Variants in BATF observed in about 807,000 individuals in gnomAD.
The protein encoded by BATF is basic leucine zipper ATF-like transcription factor, also known as basic leucine zipper transcriptional factor ATF-like.
Under a neutral mutation model 13.7 loss-of-function variants are expected in BATF, and 5 were observed. The observed-to-expected ratio is 0.36, with a 90% CI of 0.19 to 0.77. The LOEUF (loss-of-function observed/expected upper bound fraction) is 0.77. BATF is among the 30% of genes least tolerant of loss of function. The pLI is 0.51. For synonymous variants in BATF, 72 were observed against 67.5 expected, an observed-to-expected ratio of 1.07 and a Z score of -0.33; for missense variants, 124 against 163.0, an observed-to-expected ratio of 0.76 and a Z score of 1.30.
intron 2 of BATF, among the ~76,000 whole-genome samples, chr14:75,538,849 C>G (rs1439440517): frequency 6.6e-6 from 1 of 152,164 alleles, no homozygotes; most frequent in Non-Finnish European, 1.5e-5. Flanking sequence ...TGCAATGAGC[C>G]GAGATCGTGC....
At chr14:75,538,705 T>C (rs1198826288) in intron 2 of BATF, among the ~76,000 whole-genome samples, 2 of 152,072 alleles carry the variant, frequency 1.3e-5, no homozygotes, top group African/African-American at 2.4e-5. Flanking sequence ...ATCGAGACCA[T>C]CCTGGCTAAC....
intron 2 of BATF, among the ~76,000 whole-genome samples, chr14:75,545,737 G>A (rs1887973826): frequency 6.6e-6 from 1 of 152,048 alleles, no homozygotes; most frequent in Non-Finnish European, 1.5e-5. Flanking sequence ...CCTGCCAGCT[G>A]CTTTCCCTTG....
intron 2 of BATF, among the ~76,000 whole-genome samples, chr14:75,526,096 G>A (rs138454736): frequency 2.0e-5 from 3 of 152,322 alleles, no homozygotes; most frequent in Non-Finnish European, 4.4e-5. Flanking sequence ...CCTCTGTCTT[G>A]AGTGGTCCAG....
chr14:75,544,164 C>T (rs1176909176), intron 2 of BATF, among the ~76,000 whole-genome samples: 1 of 152,166 alleles, frequency 6.6e-6, no homozygotes, highest in African/African-American at 2.4e-5. Context: ...TGCTTTCCAA[C>T]TTGCCTGATC....
At chr14:75,525,060 ATCC>A (rs1887630593) in intron 1 of BATF, 21 bp from the exon 2 acceptor site, 6 of 1,586,914 alleles carry the variant, frequency 3.8e-6, no homozygotes, top group Non-Finnish European at 5.2e-6. Flanking sequence ...GACCCATGTA[ATCC>A]TCCCCGTCTC....
chr14:75,542,387 A>C (rs939479832), intron 2 of BATF, among the ~76,000 whole-genome samples: 1 of 152,196 alleles, frequency 6.6e-6, no homozygotes, highest in South Asian at 2.1e-4. Context: ...CCCTCTCAGT[A>C]GCAGAAGACA....
At chr14:75,524,486 T>C (rs912997047) in intron 1 of BATF, among the ~76,000 whole-genome samples, 8 of 152,212 alleles carry the variant, frequency 5.3e-5, no homozygotes, top group South Asian at 2.1e-4. Flanking sequence ...TGGAAAGCCA[T>C]TGGGCTCAGC....
intron 2 of BATF, among the ~76,000 whole-genome samples, chr14:75,543,251 G>A (rs1241416900): frequency 4.6e-5 from 7 of 152,252 alleles, no homozygotes; most frequent in Admixed American, 4.6e-4. Context: ...AGGCAGGGCT[G>A]TGACTCCATC....
intron 2 of BATF, among the ~76,000 whole-genome samples, chr14:75,529,118 C>T (rs1211725443): frequency 6.6e-6 from 1 of 151,604 alleles, no homozygotes. Flanking sequence ...TCTAAGTTTC[C>T]AGTGAAAAAA....
chr14:75,523,775 A>G (rs573002321), intron 1 of BATF, among the ~76,000 whole-genome samples: 1 of 152,308 alleles, frequency 6.6e-6, no homozygotes, highest in African/African-American at 2.4e-5. Context: ...AATATTGAAC[A>G]GGGCGTATAT....
intron 2 of BATF, among the ~76,000 whole-genome samples, chr14:75,535,180 G>A (rs1887799418): frequency 6.6e-6 from 1 of 152,196 alleles, no homozygotes; most frequent in African/African-American, 2.4e-5. Flanking sequence ...AATACATACG[G>A]AGGCCAAGGC....
At chr14:75,530,250 G>A (rs1195804347) in intron 2 of BATF, among the ~76,000 whole-genome samples, 2 of 152,140 alleles carry the variant, frequency 1.3e-5, no homozygotes, top group Non-Finnish European at 2.9e-5. Flanking sequence ...ATGTTGCCAA[G>A]GTAATGGAGA....
chr14:75,526,674 G>C (rs1373089818), intron 2 of BATF, among the ~76,000 whole-genome samples: 2 of 152,190 alleles, frequency 1.3e-5, no homozygotes, highest in African/African-American at 2.4e-5. Context: ...TGGAAAGAAT[G>C]AATGAACAGA....
intron 2 of BATF, among the ~76,000 whole-genome samples, chr14:75,542,679 T>C (rs1887914783): frequency 6.6e-6 from 1 of 152,244 alleles, no homozygotes; most frequent in Non-Finnish European, 1.5e-5. Context: ...AGTGTCAGGC[T>C]GGCTGCACGG....
At chr14:75,542,708 A>C (rs1450675964) in intron 2 of BATF, among the ~76,000 whole-genome samples, 1 of 152,214 alleles carries the variant, frequency 6.6e-6, no homozygotes, top group Non-Finnish European at 1.5e-5. Flanking sequence ...CTGGCAGGGC[A>C]GGTTTCTTGG....
chr14:75,543,432 T>C (rs1210693145), intron 2 of BATF, among the ~76,000 whole-genome samples: 4 of 152,150 alleles, frequency 2.6e-5, no homozygotes, highest in African/African-American at 9.7e-5. Flanking sequence ...CAAGGCCATG[T>C]TGGTATATGC....
At chr14:75,539,120 A>G (rs1159530981) in intron 2 of BATF, among the ~76,000 whole-genome samples, 2 of 152,240 alleles carry the variant, frequency 1.3e-5, no homozygotes, top group Non-Finnish European at 2.9e-5. Flanking sequence ...TTCTCATGTA[A>G]CAAGAAGTTC....
At chr14:75,531,305 C>T (rs59912232) in intron 2 of BATF, among the ~76,000 whole-genome samples, 5,737 of 152,162 alleles carry the variant, frequency 0.038, 310 homozygotes, top group East Asian at 0.29. Flanking sequence ...TATCTGGTGC[C>T]GTACAGCTGG....
chr14:75,538,459 G>A (rs1682966756), intron 2 of BATF, among the ~76,000 whole-genome samples: 1 of 152,228 alleles, frequency 6.6e-6, no homozygotes, highest in Admixed American at 6.5e-5. Flanking sequence ...AGAATCAGAA[G>A]CAGTACATTT....
Sources: gnomAD v4.1 joint callset for allele counts (sites outside exome capture counted in the v4.1 genomes callset) on GRCh38, gnomAD v4.1.1 for gene constraint, MANE v1.5 for transcripts, NCBI Gene and HGNC (gene_info 2026-07-23, HGNC 2026-07-21) for gene names.